The following NDST3 variants were observed in gnomAD, a reference collection of about 807,000 sequenced individuals.
The protein encoded by NDST3 is N-deacetylase and N-sulfotransferase 3.
A neutral mutation model predicts 96.1 loss-of-function variants in NDST3; 58 were observed. That is an observed-to-expected ratio of 0.60 (90% CI 0.49 to 0.75). NDST3 has a LOEUF of 0.75. Among genes scored for constraint, NDST3 ranks in the 30% least tolerant of loss-of-function variants. The probability of loss-of-function intolerance (pLI) is 0.00; values close to 1 mark genes in which losing one functional copy is unlikely to be tolerated. For missense variants in NDST3, 788 were observed against 1,034.2 expected, an observed-to-expected ratio of 0.76 and a Z score of 3.27; for synonymous variants, 333 against 359.7, an observed-to-expected ratio of 0.93 and a Z score of 0.84.
chr4:118,092,899 G>A (rs983670595), intron 2 of NDST3, among the ~76,000 whole-genome samples: 1 of 151,826 alleles, frequency 6.6e-6, no homozygotes, highest in African/African-American at 2.4e-5. Flanking sequence ...TCAGAAAATA[G>A]AGAAGTGTTG....
chr4:118,253,568 C>G lies in NDST3; in HGVS notation c.2469C>G (p.Ser823Arg). The G allele has an allele frequency of 6.2e-7, 1 of 1,611,594 alleles. No individual in the cohort carries two copies. Among genetic ancestry groups the G allele is most frequent in the South Asian group, 1.1e-5 (1 of 90,892 alleles). The change falls in exon 13 of 14, where the codon AGC becomes AGG. Residue 823 changes from serine to arginine, a missense_variant. Ser to Arg is a moderately radical substitution (Grantham distance 110, BLOSUM62 -1). Coordinates refer to ENST00000296499, the MANE Select transcript of NDST3 (RefSeq NM_004784.3). ...GTAAAACAAAATGCCTTGGAAAGAG[C>G]AAAGGAAGAAAATACCCTCCAATGG... is the stretch of plus-strand genomic sequence containing the variant. The part of the protein sequence containing the change: ...EEGKTKCLGK[S>R]KGRKYPPMDS...
chr4:118,181,090 C>T (rs1049666229), intron 6 of NDST3, among the ~76,000 whole-genome samples: 3 of 152,106 alleles, frequency 2.0e-5, no homozygotes, highest in African/African-American at 7.2e-5. Flanking sequence ...GGAACCTACT[C>T]ACGATTCTCA....
At chr4:118,091,030 C>G (rs1337795305) in intron 2 of NDST3, among the ~76,000 whole-genome samples, 1 of 151,452 alleles carries the variant, frequency 6.6e-6, no homozygotes, top group Non-Finnish European at 1.5e-5. Context: ...CCACTGCCCT[C>G]CAGCCTAGGT....
intron 6 of NDST3, among the ~76,000 whole-genome samples, chr4:118,152,397 G>C (rs1054692067): frequency 6.6e-6 from 1 of 152,138 alleles, no homozygotes; most frequent in African/African-American, 2.4e-5. Context: ...GGAATCATAG[G>C]ACCTAGAGGG....
intron 6 of NDST3, among the ~76,000 whole-genome samples, chr4:118,148,123 C>T (rs1734088888): frequency 6.6e-6 from 1 of 152,080 alleles, no homozygotes; most frequent in African/African-American, 2.4e-5. Context: ...ACGGTGAAAC[C>T]CTGTCTCTAC....
At chr4:118,225,287 T>C (rs1186098608) in intron 7 of NDST3, among the ~76,000 whole-genome samples, 1 of 152,214 alleles carries the variant, frequency 6.6e-6, no homozygotes, top group African/African-American at 2.4e-5. Flanking sequence ...TAGACTCTTA[T>C]GTATCATAGA....
At chr4:118,161,764 G>A (rs539690218) in intron 6 of NDST3, among the ~76,000 whole-genome samples, 1 of 152,232 alleles carries the variant, frequency 6.6e-6, no homozygotes, top group South Asian at 2.1e-4. Flanking sequence ...GATTTTCCAG[G>A]TGCCATCTGT....
chr4:118,049,900 C>G (rs1200600253), intron 1 of NDST3, among the ~76,000 whole-genome samples: 2 of 151,986 alleles, frequency 1.3e-5, no homozygotes, highest in African/African-American at 4.8e-5. Flanking sequence ...AAGCATCAGC[C>G]TGATACCAAA....
At chr4:118,082,746 T>C (rs7686670) in intron 2 of NDST3, among the ~76,000 whole-genome samples, 114,438 of 152,012 alleles carry the variant, frequency 0.75, 45,738 homozygotes, top group South Asian at 0.92. Flanking sequence ...ATTAGTCTGT[T>C]CTCGCATTGC....
At chr4:118,238,691 C>A (rs1167286637) in intron 10 of NDST3, among the ~76,000 whole-genome samples, 1 of 152,134 alleles carries the variant, frequency 6.6e-6, no homozygotes, top group African/African-American at 2.4e-5. Context: ...AAATTTGAAG[C>A]TATACTTGAA....
chr4:118,185,870 TA>T (rs1477361273), intron 6 of NDST3, among the ~76,000 whole-genome samples: 1 of 152,176 alleles, frequency 6.6e-6, no homozygotes, highest in African/African-American at 2.4e-5. Context: ...AGGCTGCACT[TA>T]AAGTATGTAA....
chr4:118,229,654 C>A (rs1488977082), intron 8 of NDST3, among the ~76,000 whole-genome samples: 1 of 152,098 alleles, frequency 6.6e-6, no homozygotes, highest in African/African-American at 2.4e-5. Flanking sequence ...TAAAAGTGAA[C>A]AAATGTATTT....
chr4:118,082,391 G>A (rs868077545), intron 2 of NDST3, among the ~76,000 whole-genome samples: 4 of 152,144 alleles, frequency 2.6e-5, no homozygotes, highest in Non-Finnish European at 5.9e-5. Context: ...CAGCATTAGC[G>A]TTAGCCAGAG....
intron 6 of NDST3, among the ~76,000 whole-genome samples, chr4:118,218,533 G>C (rs560089973): frequency 8.5e-5 from 13 of 152,122 alleles, no homozygotes; most frequent in African/African-American, 2.9e-4. Flanking sequence ...GGTATTTATG[G>C]ACTATACCTC....
At chr4:118,056,174 G>C (rs1431519098) in intron 2 of NDST3, among the ~76,000 whole-genome samples, 1 of 151,716 alleles carries the variant, frequency 6.6e-6, no homozygotes, top group Non-Finnish European at 1.5e-5. Context: ...AAATGATTTT[G>C]GTGAGAAATG....
At chr4:118,134,798 C>T (rs1732936253) in intron 4 of NDST3, among the ~76,000 whole-genome samples, 2 of 152,184 alleles carry the variant, frequency 1.3e-5, no homozygotes, top group Admixed American at 6.5e-5. Flanking sequence ...CCAGATTCCT[C>T]AGTGTTTTTG....
intron 5 of NDST3, among the ~76,000 whole-genome samples, chr4:118,138,957 A>T (rs1265195185): frequency 1.3e-5 from 2 of 152,206 alleles, no homozygotes; most frequent in Admixed American, 1.3e-4. Flanking sequence ...CTGGGAAGAA[A>T]CACCACAGAA....
intron 6 of NDST3, among the ~76,000 whole-genome samples, chr4:118,209,438 G>A (rs1170477955): frequency 6.6e-6 from 1 of 152,114 alleles, no homozygotes; most frequent in Non-Finnish European, 1.5e-5. Context: ...AAAATTAATC[G>A]AAAATTGGTG....
intron 1 of NDST3, among the ~76,000 whole-genome samples, chr4:118,037,855 G>C (rs1176850679): frequency 6.6e-6 from 1 of 152,270 alleles, no homozygotes. Context: ...CGCCTTTATT[G>C]ATGTGTCCAT....
Sources: allele counts gnomAD v4.1 joint callset (sites outside exome capture counted in the v4.1 genomes callset), GRCh38; gene constraint gnomAD v4.1.1; transcripts MANE v1.5; gene names NCBI Gene and HGNC (gene_info 2026-07-23, HGNC 2026-07-21).